TBC1D4: variants seen among roughly 807,000 people sequenced by gnomAD.
TBC1D4 encodes the protein TBC1 domain family member 4.
A neutral mutation model predicts 142.5 loss-of-function variants in TBC1D4; 121 were observed. The observed-to-expected ratio is 0.85, with a 90% CI of 0.73 to 0.99. The LOEUF (loss-of-function observed/expected upper bound fraction) is 0.99, where lower values mean the gene tolerates loss of function less well. Among genes scored for constraint, TBC1D4 ranks in the 50% least tolerant of loss-of-function variants. TBC1D4 has a pLI of 0.00. For missense variants in TBC1D4, 1,475 were observed against 1,606.6 expected, an observed-to-expected ratio of 0.92 and a Z score of 1.40; for synonymous variants, 630 against 628.2, an observed-to-expected ratio of 1.00 and a Z score of -0.04.
At chr13:75,460,272 C>T (rs776708204) in intron 1 of TBC1D4, among the ~76,000 whole-genome samples, 1 of 152,022 alleles carries the variant, frequency 6.6e-6, no homozygotes, top group Non-Finnish European at 1.5e-5. Context: ...GCTTACAAAT[C>T]AACAATAAAA....
intron 9 of TBC1D4, 131 bp from the exon 10 acceptor site, chr13:75,326,554 C>A (rs1196841456): frequency 3.2e-6 from 3 of 931,418 alleles, no homozygotes; most frequent in Non-Finnish European, 5.1e-6. Context: ...TTTTCCTCCC[C>A]CTTTTACTTA....
intron 1 of TBC1D4, among the ~76,000 whole-genome samples, chr13:75,448,659 GT>G (rs1887401676): frequency 6.6e-6 from 1 of 151,318 alleles, no homozygotes; most frequent in African/African-American, 2.4e-5. Flanking sequence ...ATTAAAATGA[GT>G]ATTTTATACG....
intron 5 of TBC1D4, 134 bp from the exon 6 acceptor site, chr13:75,341,721 T>G: frequency 4.0e-6 from 3 of 743,132 alleles, no homozygotes; most frequent in Non-Finnish European, 7.1e-6. Context: ...TGTTCCTGCC[T>G]ACAAGAAACC....
intron 12 of TBC1D4, among the ~76,000 whole-genome samples, chr13:75,317,072 G>C (rs1265102642): frequency 6.6e-6 from 1 of 152,126 alleles, no homozygotes; most frequent in African/African-American, 2.4e-5. Context: ...GTGCAATACT[G>C]AAGTAGAAAG....
In TBC1D4 at chr13:75,287,012, T is replaced by A; in HGVS notation, c.3677A>T (p.Lys1226Ile). 6.2e-7 allele frequency: 1 copy of A among 1,611,556 alleles called. No homozygotes were observed. The highest frequency in any genetic ancestry group is 8.5e-7 in the Non-Finnish European group (1 of 1,179,886). Residue 1226 changes from lysine to isoleucine, a missense_variant, in exon 21 of 21, where the codon AAA (lysine) becomes ATA (isoleucine). By Grantham distance (102) the Lys-to-Ile change is moderately radical. Transcript: ENST00000377636. Reference sequence around the variant, plus strand: ...CAGGTTTGATTCCAAGGCCTGGATTTTAGTATGAGCTACCTGTTTGGGGGG... The same window carrying A: ...CAGGTTTGATTCCAAGGCCTGGATTATAGTATGAGCTACCTGTTTGGGGGG... ...LLEKLQVAHT[K>I]IQALESNLEN...
chr13:75,408,980 T>C (rs886972709), intron 1 of TBC1D4, among the ~76,000 whole-genome samples: 5 of 152,098 alleles, frequency 3.3e-5, no homozygotes, highest in Admixed American at 1.3e-4. Context: ...CTCTGATATA[T>C]GATTGCAAAC....
intron 12 of TBC1D4, among the ~76,000 whole-genome samples, chr13:75,317,702 T>G (rs1878429231): frequency 6.6e-6 from 1 of 152,200 alleles, no homozygotes; most frequent in Non-Finnish European, 1.5e-5. Context: ...CAGCATTACC[T>G]CTATCAGAAA....
At chr13:75,467,138 C>A (rs1194464582) in intron 1 of TBC1D4, among the ~76,000 whole-genome samples, 3 of 152,000 alleles carry the variant, frequency 2.0e-5, no homozygotes, top group African/African-American at 7.2e-5. Context: ...TAACAAGTAA[C>A]TCTCATACTC....
chr13:75,415,517 T>C (rs1050799399), intron 1 of TBC1D4, among the ~76,000 whole-genome samples: 2 of 152,246 alleles, frequency 1.3e-5, no homozygotes, highest in Non-Finnish European at 2.9e-5. Context: ...TGGGAACACA[T>C]ATTAAATAAC....
chr13:75,352,413 A>G (rs1198787372), intron 4 of TBC1D4, among the ~76,000 whole-genome samples: 1 of 151,378 alleles, frequency 6.6e-6, no homozygotes, highest in Non-Finnish European at 1.5e-5. Flanking sequence ...TTTTGGTTAT[A>G]CTTTCCCTAA....
chr13:75,330,584 C>T (rs1879664051), intron 8 of TBC1D4, among the ~76,000 whole-genome samples: 1 of 152,274 alleles, frequency 6.6e-6, no homozygotes, highest in Non-Finnish European at 1.5e-5. Context: ...CCCAAGTTTA[C>T]ACAGCTAGTT....
intron 11 of TBC1D4, among the ~76,000 whole-genome samples, chr13:75,320,634 C>G (rs770292227): frequency 1.4e-4 from 22 of 151,978 alleles, no homozygotes; most frequent in Non-Finnish European, 2.6e-4. Context: ...TCTCAGCCTG[C>G]TTAAAAATAG....
intron 8 of TBC1D4, among the ~76,000 whole-genome samples, chr13:75,332,176 C>T (rs1236897223): frequency 6.6e-6 from 1 of 152,204 alleles, no homozygotes; most frequent in Non-Finnish European, 1.5e-5. Flanking sequence ...AAGGAACACC[C>T]TAAATACCCT....
chr13:75,311,640 G>T (rs10492446), intron 13 of TBC1D4, among the ~76,000 whole-genome samples: 7,835 of 152,122 alleles, frequency 0.052, 523 homozygotes, highest in African/African-American at 0.15. Flanking sequence ...AAGGCTCTAA[G>T]CATTGAATTT....
chr13:75,462,656 C>T (rs1888019495), intron 1 of TBC1D4, among the ~76,000 whole-genome samples: 1 of 152,114 alleles, frequency 6.6e-6, no homozygotes, highest in East Asian at 1.9e-4. Flanking sequence ...ATCATTACCA[C>T]CTTGGGCAAA....
At chr13:75,326,509 T>C (rs1464719053) in intron 9 of TBC1D4, 86 bp from the exon 10 acceptor site, 1 of 1,365,842 alleles carries the variant, frequency 7.3e-7, no homozygotes, top group African/African-American at 1.4e-5. Context: ...AGTGACAGTG[T>C]GCCTCATCTT....
intron 1 of TBC1D4, among the ~76,000 whole-genome samples, chr13:75,432,405 C>T (rs1434432321): frequency 6.6e-6 from 1 of 152,114 alleles, no homozygotes; most frequent in Non-Finnish European, 1.5e-5. Context: ...TCTAAGCAGA[C>T]AAAACAACGA....
chr13:75,319,978 T>C (rs1410382495), intron 12 of TBC1D4, 36 bp downstream of exon 12: 1 of 1,601,672 alleles, frequency 6.2e-7, no homozygotes, highest in Non-Finnish European at 8.5e-7. Flanking sequence ...AATCTGTGAA[T>C]TTTTTTTAAA....
At chr13:75,474,475 C>T (rs1428618063) in intron 1 of TBC1D4, among the ~76,000 whole-genome samples, 3 of 151,848 alleles carry the variant, frequency 2.0e-5, no homozygotes, top group Non-Finnish European at 2.9e-5. Flanking sequence ...AGGAGAATGG[C>T]GTGAACCCGG....
Sources: allele counts gnomAD v4.1 joint callset (sites outside exome capture counted in the v4.1 genomes callset), GRCh38; gene constraint gnomAD v4.1.1; transcripts MANE v1.5; gene names NCBI Gene and HGNC (gene_info 2026-07-23, HGNC 2026-07-21).